TM9SF2: variants seen among roughly 807,000 people sequenced by gnomAD.
The protein encoded by TM9SF2 is 76 kDa membrane protein.
A neutral mutation model predicts 84.9 loss-of-function variants in TM9SF2; 13 were observed. The observed-to-expected ratio is 0.15, with a 90% CI of 0.10 to 0.24. TM9SF2 has a LOEUF of 0.24. Among genes scored for constraint, TM9SF2 ranks in the 10% least tolerant of loss-of-function variants. The pLI is 1.00. For synonymous variants in TM9SF2, 273 were observed against 285.8 expected, an observed-to-expected ratio of 0.96 and a Z score of 0.45; for missense variants, 562 against 818.5, an observed-to-expected ratio of 0.69 and a Z score of 3.82.
At chr13:99,506,933 A>T (rs2046091095) in intron 1 of TM9SF2, among the ~76,000 whole-genome samples, 1 of 152,182 alleles carries the variant, frequency 6.6e-6, no homozygotes, top group South Asian at 2.1e-4. Context: ...CAACAATTTC[A>T]TTCTATTTTC....
At position 99,543,956 on chromosome 13, in the gene TM9SF2, T is replaced by C; in HGVS notation, c.1111T>C (p.Ser371Pro). 1 of 1,614,160 alleles carries C rather than the reference T, an allele frequency of 6.2e-7. No individual in the cohort carries two copies. Among genetic ancestry groups the C allele is most frequent in the Non-Finnish European group, 8.5e-7 (1 of 1,180,020 alleles). The change falls in exon 10 of 17, where the codon TCC becomes CCC. Residue 371 changes from serine (S) to proline (P), a missense_variant. Physicochemically the swap from Ser to Pro is moderately conservative, Grantham distance 74 (BLOSUM62 -1). Transcript: ENST00000376387. Reference sequence around the variant, plus strand: ...GATGCTGCTATCAGTCTTTCTAGGATCCGGGACACAGATTTTAATTATGAC... The same window carrying C: ...GATGCTGCTATCAGTCTTTCTAGGACCCGGGACACAGATTTTAATTATGAC... ...KGMLLSVFLGSGTQILIMTFV... is the reference protein window; with the variant it reads ...KGMLLSVFLGPGTQILIMTFV...
At chr13:99,559,790 A>G (rs2046337021) in intron 16 of TM9SF2, among the ~76,000 whole-genome samples, 1 of 150,940 alleles carries the variant, frequency 6.6e-6, no homozygotes, top group East Asian at 1.9e-4. Flanking sequence ...AGTACAGCTC[A>G]TGGTTTTCGT....
At chr13:99,549,094 A>G in intron 11 of TM9SF2, 71 bp from the exon 12 acceptor site, 1 of 1,351,766 alleles carries the variant, frequency 7.4e-7, no homozygotes, top group Non-Finnish European at 1.1e-6. Context: ...CAAATATCAG[A>G]CTTGTAATAT....
intron 2 of TM9SF2, among the ~76,000 whole-genome samples, chr13:99,518,841 T>G (rs1302313785): frequency 6.6e-6 from 1 of 151,158 alleles, no homozygotes; most frequent in Non-Finnish European, 1.5e-5. Flanking sequence ...CTTAAACTCT[T>G]GGGTTCAAGT....
At chr13:99,538,373 T>TAA (rs1566569600) in intron 6 of TM9SF2, among the ~76,000 whole-genome samples, 1 of 152,144 alleles carries the variant, frequency 6.6e-6, no homozygotes, top group African/African-American at 2.4e-5. Context: ...ATTTTTTTTT[T>TAA]AAATATTTCA....
chr13:99,523,610 A>G (rs2046169711), intron 3 of TM9SF2, among the ~76,000 whole-genome samples: 1 of 152,216 alleles, frequency 6.6e-6, no homozygotes, highest in South Asian at 2.1e-4. Context: ...ACCACATTTC[A>G]TAGGACCATA....
At chr13:99,555,206 G>A (rs999547206) in intron 14 of TM9SF2, among the ~76,000 whole-genome samples, 4 of 152,102 alleles carry the variant, frequency 2.6e-5, no homozygotes, top group Admixed American at 6.6e-5. Context: ...GATAAGAAAC[G>A]GTTACCTATT....
intron 1 of TM9SF2, among the ~76,000 whole-genome samples, chr13:99,504,405 T>C (rs1413166841): frequency 1.3e-5 from 2 of 152,232 alleles, no homozygotes; most frequent in African/African-American, 4.8e-5. Flanking sequence ...TATTTGATTA[T>C]GACATATTCC....
At chr13:99,521,245 A>G (rs952439283) in intron 3 of TM9SF2, among the ~76,000 whole-genome samples, 2 of 152,220 alleles carry the variant, frequency 1.3e-5, no homozygotes, top group Non-Finnish European at 2.9e-5. Context: ...TCATACACCT[A>G]TAAGCTTACA....
chr13:99,518,134 CAG>C (rs957464956), intron 2 of TM9SF2, among the ~76,000 whole-genome samples: 3 of 152,134 alleles, frequency 2.0e-5, no homozygotes, highest in Non-Finnish European at 4.4e-5. Flanking sequence ...TTTTTTGAGA[CAG>C]AGTCTCACTG....
Position 99,547,047 on chromosome 13 carries a change from G to A in TM9SF2, c.1213G>A (p.Val405Ile). 6.2e-7 allele frequency: 1 copy of A among 1,614,192 alleles called. No individual in the cohort carries two copies. The highest frequency in any genetic ancestry group is 8.5e-7 in the Non-Finnish European group (1 of 1,180,030). Residue 405 changes from valine to isoleucine, a missense_variant, in exon 11 of 17, where the codon GTC (valine) becomes ATC (isoleucine). Physicochemically the swap from Val to Ile is conservative, Grantham distance 29. Transcript: ENST00000376387. Reference protein sequence around the residue: ...NRGALMTCAVVLWVLLGTPAG... With the variant: ...NRGALMTCAVILWVLLGTPAG... Reference sequence around the variant, plus strand: ...AGGAGCGCTGATGACGTGTGCTGTGGTCCTGTGGGTGCTGCTGGGCACCCC... The same window carrying A: ...AGGAGCGCTGATGACGTGTGCTGTGATCCTGTGGGTGCTGCTGGGCACCCC...
intron 15 of TM9SF2, 70 bp downstream of exon 15, chr13:99,555,717 TATTA>T (rs1185866387): frequency 9.5e-6 from 9 of 951,676 alleles, no homozygotes; most frequent in African/African-American, 8.3e-5. Flanking sequence ...ATTTGTATAT[TATTA>T]ATTAAAATAA....
chr13:99,536,189 C>G (rs2046233216), intron 4 of TM9SF2, among the ~76,000 whole-genome samples: 1 of 151,968 alleles, frequency 6.6e-6, no homozygotes. Context: ...AGGTAAATTA[C>G]AGTGAAGTGT....
At chr13:99,504,883 C>T (rs2046082185) in intron 1 of TM9SF2, among the ~76,000 whole-genome samples, 2 of 152,136 alleles carry the variant, frequency 1.3e-5, no homozygotes, top group Admixed American at 6.5e-5. Flanking sequence ...GTTTGCCTGA[C>T]CATTCTTACT....
intron 15 of TM9SF2, among the ~76,000 whole-genome samples, chr13:99,556,277 G>T (rs1376679772): frequency 6.6e-6 from 1 of 152,196 alleles, no homozygotes; most frequent in Non-Finnish European, 1.5e-5. Flanking sequence ...CCATTTTGAA[G>T]TGGACAGTTT....
chr13:99,516,566 T>C (rs1188380990), intron 1 of TM9SF2, among the ~76,000 whole-genome samples: 3 of 152,206 alleles, frequency 2.0e-5, no homozygotes, highest in African/African-American at 2.4e-5. Flanking sequence ...GTCAGTGTTA[T>C]GGGTCCTGTA....
chr13:99,501,570 C>T lies in TM9SF2; in HGVS notation c.-37C>T, dbSNP rs765936402. 6.2e-7 allele frequency: 1 copy of T among 1,606,338 alleles called. No individual in the cohort carries two copies. The highest frequency in any genetic ancestry group is 8.5e-7 in the Non-Finnish European group (1 of 1,176,834). On this transcript the variant is annotated 5_prime_UTR_variant, in exon 1 of 17. Transcript: ENST00000376387. ...CCCCACCCCTCCTTCCCTCTTGACC[C>T]CCTAGGTTTGATTGCCCTTTCCCCG... is the stretch of plus-strand genomic sequence containing the variant.
At chr13:99,514,337 T>A (rs541496195) in intron 1 of TM9SF2, 7 of 152,242 alleles carry the variant, frequency 4.6e-5, no homozygotes, top group Non-Finnish European at 7.3e-5. Context: ...TATGCAGGTG[T>A]AACATTTTCT....
At chr13:99,503,136 C>G (rs2139064783) in intron 1 of TM9SF2, among the ~76,000 whole-genome samples, 1 of 152,310 alleles carries the variant, frequency 6.6e-6, no homozygotes, top group Admixed American at 6.5e-5. Context: ...AGTGGAAGAT[C>G]TAGACTTGCA....
Sources: gnomAD v4.1 joint callset for allele counts (sites outside exome capture counted in the v4.1 genomes callset) on GRCh38, gnomAD v4.1.1 for gene constraint, MANE v1.5 for transcripts, NCBI Gene and HGNC (gene_info 2026-07-23, HGNC 2026-07-21) for gene names.